HTR2C: variants seen among roughly 807,000 people sequenced by gnomAD.
HTR2C encodes the protein 5-hydroxytryptamine receptor 2C, also known as 5-hydroxytryptamine (serotonin) receptor 2C, G protein-coupled.
In HTR2C, 5 loss-of-function variants were observed where a neutral mutation model predicts 21.0. The observed-to-expected ratio is 0.24, with a 90% CI of 0.12 to 0.50. The LOEUF (loss-of-function observed/expected upper bound fraction) is 0.50, where lower values mean the gene tolerates loss of function less well. Ranked by LOEUF, HTR2C falls within the 20% of genes least tolerant of loss-of-function variation. HTR2C has a pLI of 0.98. For synonymous variants in HTR2C, 150 were observed against 145.3 expected, an observed-to-expected ratio of 1.03 and a Z score of -0.23; for missense variants, 271 against 371.2, an observed-to-expected ratio of 0.73 and a Z score of 2.22.
intron 5 of HTR2C, among the ~76,000 whole-genome samples, chrX:114,894,346 A>G (rs1343847501): frequency 8.9e-6 from 1 of 112,046 alleles, no homozygotes; most frequent in African/African-American, 3.2e-5. Context: ...TAGTGACACA[A>G]CCAAAAATAT....
At chrX:114,857,728 G>T (rs781794419) in intron 5 of HTR2C, among the ~76,000 whole-genome samples, 190 of 110,752 alleles carry the variant, frequency 1.7e-3, no homozygotes, top group African/African-American at 5.9e-3. Context: ...AATGGCCAGT[G>T]ATTTTTTATC....
intron 4 of HTR2C, among the ~76,000 whole-genome samples, chrX:114,801,967 A>C (rs1367587007): frequency 3.6e-5 from 4 of 111,452 alleles, no homozygotes; most frequent in Non-Finnish European, 7.5e-5. Flanking sequence ...TGAATGATTT[A>C]ATTTAAATAT....
At chrX:114,903,948 CT>C (rs2071354646) in intron 5 of HTR2C, among the ~76,000 whole-genome samples, 1 of 111,829 alleles carries the variant, frequency 8.9e-6, no homozygotes, top group African/African-American at 3.3e-5. Flanking sequence ...TCCTTTATTG[CT>C]TTTGCTGTAA....
intron 4 of HTR2C, among the ~76,000 whole-genome samples, chrX:114,760,350 T>G (rs782456277): frequency 1.9e-4 from 21 of 111,483 alleles, no homozygotes; most frequent in South Asian, 3.8e-4. Context: ...TGAAAGTAAT[T>G]TCTTTTTCAA....
At chrX:114,746,277 G>A in intron 4 of HTR2C, among the ~76,000 whole-genome samples, 1 of 111,269 alleles carries the variant, frequency 9.0e-6, no homozygotes, top group Admixed American at 9.5e-5. Context: ...TATGAGACCA[G>A]GATTACCCTG....
intron 2 of HTR2C, among the ~76,000 whole-genome samples, chrX:114,647,474 T>G (rs183616136): frequency 2.5e-3 from 279 of 112,185 alleles, no homozygotes; most frequent in African/African-American, 8.3e-3. Flanking sequence ...ACCCTTTTAA[T>G]TTTCCTCAAC....
At chrX:114,608,499 G>T (rs62596262) in intron 1 of HTR2C, among the ~76,000 whole-genome samples, 77 of 110,301 alleles carry the variant, frequency 7.0e-4, no homozygotes, top group East Asian at 5.4e-3. Context: ...AAACTTTTAA[G>T]GGATGTACTT....
chrX:114,767,099 T>C (rs1556435398), intron 4 of HTR2C, among the ~76,000 whole-genome samples: 1 of 111,674 alleles, frequency 9.0e-6, no homozygotes, highest in African/African-American at 3.2e-5. Context: ...TGTAGTAACA[T>C]GTTATGGGAT....
At chrX:114,793,288 T>C (rs1422742718) in intron 4 of HTR2C, among the ~76,000 whole-genome samples, 1 of 111,488 alleles carries the variant, frequency 9.0e-6, no homozygotes. Flanking sequence ...TCAGCCAGTC[T>C]AGAAGACAGA....
At chrX:114,842,126 T>C (rs782575998) in intron 4 of HTR2C, among the ~76,000 whole-genome samples, 2 of 112,277 alleles carry the variant, frequency 1.8e-5, no homozygotes, top group East Asian at 5.6e-4. Flanking sequence ...AAGGTAATGC[T>C]AAATGAAGAA....
At chrX:114,657,895 A>T (rs1429745803) in intron 2 of HTR2C, among the ~76,000 whole-genome samples, 3 of 110,802 alleles carry the variant, frequency 2.7e-5, no homozygotes, top group Non-Finnish European at 5.7e-5. Flanking sequence ...TAAAACTATT[A>T]ATCTCGGTCA....
Position 114,762,122 on chromosome X carries a change from A to G in HTR2C, c.349+30515A>G, listed in dbSNP as rs1057410234. Among the ~76,000 whole-genome samples, 5 of 109,008 alleles carry G rather than the reference A, an allele frequency of 4.6e-5. No homozygotes were observed. In the East Asian group the frequency reaches 1.5e-3, roughly 32 times the overall value. The allele number at this position is 109,008 out of a possible 115,157, so 94.7% of individuals were successfully genotyped here. A position where few individuals can be genotyped will look rare whatever the true frequency, so the allele number is the denominator to read the frequency against. ...TAATTATTCCATTAAAATGGAATAT[A>G]TGCTTATAAATCTTTCTGGATTTTG... On this transcript the variant is annotated intron_variant, in intron 4 of 5. Transcript: ENST00000276198.
intron 4 of HTR2C, among the ~76,000 whole-genome samples, chrX:114,732,287 T>C (rs1449741364): frequency 3.6e-5 from 4 of 112,106 alleles, no homozygotes; most frequent in Non-Finnish European, 7.5e-5. Flanking sequence ...ACCTAAGGTT[T>C]TGTTTCTAGC....
At chrX:114,864,137 A>G (rs1556473843) in intron 5 of HTR2C, among the ~76,000 whole-genome samples, 1 of 109,125 alleles carries the variant, frequency 9.2e-6, no homozygotes, top group African/African-American at 3.3e-5. Context: ...ATTCAAGGTT[A>G]TTATTGACAG....
chrX:114,878,358 A>G (rs1210589776), intron 5 of HTR2C, among the ~76,000 whole-genome samples: 1 of 110,685 alleles, frequency 9.0e-6, no homozygotes, highest in Non-Finnish European at 1.9e-5. Context: ...AATAATAGGA[A>G]ATCAATATTG....
Position 114,907,885 on chromosome X carries a change from C to CGAG in HTR2C, c.*470_*471insGAG. 8.7e-6 allele frequency: 1 copy of CGAG among 114,296 alleles called. No individual in the cohort carries two copies. Among genetic ancestry groups the CGAG allele is most frequent in the Admixed American group, 9.1e-5 (1 of 10,954 alleles). 9.4% of individuals were successfully genotyped at this position (114,296 alleles called of 1,213,427 possible). On this transcript the variant is annotated 3_prime_UTR_variant, in exon 6 of 6. Coordinates refer to ENST00000276198, the MANE Select transcript of HTR2C (RefSeq NM_000868.4). ...ATACACTTTACATTCTTGCTCTGCT[C>CGAG]ATCTACACATATAAACACAGTAAGA...
At chrX:114,808,796 G>A (rs782796606) in intron 4 of HTR2C, among the ~76,000 whole-genome samples, 16 of 111,358 alleles carry the variant, frequency 1.4e-4, no homozygotes, top group African/African-American at 4.6e-4. Flanking sequence ...AATCTTTTGC[G>A]CATTGTTCGA....
At chrX:114,627,189 G>T (rs1569479296) in intron 2 of HTR2C, among the ~76,000 whole-genome samples, 1 of 111,093 alleles carries the variant, frequency 9.0e-6, no homozygotes, top group African/African-American at 3.3e-5. Flanking sequence ...GTTGTTCATT[G>T]CCCTAAATTA....
chrX:114,860,710 A>G (rs2071000053), intron 5 of HTR2C, among the ~76,000 whole-genome samples: 1 of 110,483 alleles, frequency 9.1e-6, no homozygotes, highest in South Asian at 3.8e-4. Context: ...TTTAAAATGT[A>G]TAATTTGACA....
Sources: gnomAD v4.1 joint callset for allele counts (sites outside exome capture counted in the v4.1 genomes callset) on GRCh38, gnomAD v4.1.1 for gene constraint, MANE v1.5 for transcripts, NCBI Gene and HGNC (gene_info 2026-07-23, HGNC 2026-07-21) for gene names.